Variants in TCF20 observed in about 807,000 individuals in gnomAD.
TCF20 encodes the protein SPRE-binding protein.
TCF20 carries 3 observed loss-of-function variants against 148.6 expected under a neutral mutation model. That is an observed-to-expected ratio of 0.02 (90% CI 0.01 to 0.05). The LOEUF is 0.05. TCF20 is among the 10% of genes least tolerant of loss of function. The pLI, the probability that TCF20 is intolerant of heterozygous loss-of-function variation, is 1.00. For missense variants in TCF20, 2,350 were observed against 2,429.3 expected, an observed-to-expected ratio of 0.97 and a Z score of 0.69; for synonymous variants, 1,049 against 909.5, an observed-to-expected ratio of 1.15 and a Z score of -2.76.
Position 42,168,639 on chromosome 22 carries a change from G to A in TCF20, c.*14C>T. On this transcript the variant is annotated 3_prime_UTR_variant, in exon 5 of 6. Coordinates refer to ENST00000677622, the MANE Select transcript of TCF20 (RefSeq NM_001378418.1). ...CTTGCTGTCCTTTCCATTCCCACGA[G>A]CACACTGCCCCCCTCACCCCCGCTC... The A allele has an allele frequency of 6.3e-7, 1 of 1,595,032 alleles. No individual in the cohort carries two copies. Among genetic ancestry groups the A allele is most frequent in the Non-Finnish European group, 8.5e-7 (1 of 1,170,618 alleles).
intron 1 of TCF20, among the ~76,000 whole-genome samples, chr22:42,323,941 GTGA>G (rs1201884139): frequency 1.3e-4 from 16 of 124,432 alleles, no homozygotes; most frequent in African/African-American, 4.3e-4. Context: ...GGTGGTGGTG[GTGA>G]TGGAGGTTAT....
intron 2 of TCF20, among the ~76,000 whole-genome samples, chr22:42,196,919 T>C (rs1937622934): frequency 6.6e-6 from 1 of 152,230 alleles, no homozygotes; most frequent in South Asian, 2.1e-4. Context: ...TATCTGCCTG[T>C]GTAGCAGTTC....
At position 42,212,797 on chromosome 22, in the gene TCF20, T is replaced by C. The variant is rs1224158650; in HGVS notation, c.2509A>G (p.Thr837Ala). ...TAPEMKQINL[T>A]DYPIPRKFEI... ...AACTTTCTGGGAATTGGATAGTCAGTCAAATTGATCTGTTTCATTTCAGGA... is the reference window on the plus strand; with the variant it reads ...AACTTTCTGGGAATTGGATAGTCAGCCAAATTGATCTGTTTCATTTCAGGA... Residue 837 changes from threonine (T) to alanine (A), a missense_variant, in exon 2 of 6, where the codon ACT becomes GCT. By Grantham distance (58) the Thr-to-Ala change is moderately conservative. Coordinates refer to ENST00000677622, the MANE Select transcript of TCF20 (RefSeq NM_001378418.1). The C allele has an allele frequency of 1.2e-6, 2 of 1,614,214 alleles. No homozygotes were observed. The highest frequency in any genetic ancestry group is 1.7e-6 in the Non-Finnish European group (2 of 1,180,034).
At chr22:42,174,915 G>A (rs1386664463) in intron 3 of TCF20, among the ~76,000 whole-genome samples, 1 of 151,896 alleles carries the variant, frequency 6.6e-6, no homozygotes, top group Non-Finnish European at 1.5e-5. Context: ...GGCGCCTGTA[G>A]TCCCAGCTGC....
rs555998274 is a variant in TCF20, at chr22:42,309,745, T to C, written c.-37+33734A>G. Among the ~76,000 whole-genome samples the C allele has an allele frequency of 5.9e-5, 9 of 152,346 alleles. No individual in the cohort carries two copies. In the South Asian group the frequency reaches 1.7e-3, roughly 28 times the overall value. On this transcript the variant is annotated intron_variant, in intron 1 of 1. Coordinates refer to the TCF20 transcript ENST00000515426. ...CTCAAAGTGCCTCTGGACTGCCCTG[T>C]CTGGCTTTTCATGTCAGCTGCCAGT...
At chr22:42,264,261 TGGGGCG>T (rs1555950629) in intron 1 of TCF20, among the ~76,000 whole-genome samples, 1 of 1,662 alleles carries the variant, frequency 6.0e-4, no homozygotes, top group Non-Finnish European at 9.8e-4. Context: ...AGATCTAAAG[TGGGGCG>T]GGGGCGGGGC....
chr22:42,208,171 G>GAAACAA (rs564683652), intron 2 of TCF20, among the ~76,000 whole-genome samples: 2 of 151,648 alleles, frequency 1.3e-5, no homozygotes, highest in Non-Finnish European at 2.9e-5. Context: ...GCATGAAACT[G>GAAACAA]AAACAAAAAC....
At chr22:42,217,024 C>T (rs1210271103) in intron 1 of TCF20, among the ~76,000 whole-genome samples, 3 of 152,198 alleles carry the variant, frequency 2.0e-5, no homozygotes, top group African/African-American at 7.2e-5. Flanking sequence ...GTTTATGAAG[C>T]TAGTTTCCTA....
intron 2 of TCF20, among the ~76,000 whole-genome samples, chr22:42,197,347 G>C (rs1035680666): frequency 1.7e-4 from 25 of 147,664 alleles, no homozygotes; most frequent in African/African-American, 6.0e-4. Flanking sequence ...TTTTGAGATG[G>C]AGTCTCGCTG....
At chr22:42,216,079 C>CCTTTTTTT (rs1921752440) in intron 1 of TCF20, among the ~76,000 whole-genome samples, 1 of 50,564 alleles carries the variant, frequency 2.0e-5, no homozygotes, top group Non-Finnish European at 3.5e-5. Flanking sequence ...AAACCAAATC[C>CCTTTTTTT]TTTTTTTTTT....
chr22:42,212,332 G>C lies in TCF20; in HGVS notation c.2974C>G (p.Pro992Ala), dbSNP rs369800379. 1 of 1,614,148 alleles carries C rather than the reference G, an allele frequency of 6.2e-7. No homozygotes were observed. Among genetic ancestry groups the C allele is most frequent in the Admixed American group, 1.7e-5 (1 of 60,026 alleles). The change falls in exon 2 of 6, where the codon CCT (proline) becomes GCT (alanine). Residue 992 changes from proline (P) to alanine (A), a missense_variant. By Grantham distance (27) the Pro-to-Ala change is conservative (BLOSUM62 -1). Coordinates refer to ENST00000677622, the MANE Select transcript of TCF20 (RefSeq NM_001378418.1). ...CCCTCCCGACCACCAACTCTGCCAG[G>C]GACCCGCCGCATTGGCGTGGGTCTG... The part of the protein sequence containing the change: ...DSRPTPMRRV[P>A]GRVGGREGMR...
intron 2 of TCF20, among the ~76,000 whole-genome samples, chr22:42,192,961 A>G (rs1014356655): frequency 3.9e-5 from 6 of 152,228 alleles, no homozygotes; most frequent in African/African-American, 1.4e-4. Context: ...TTGAGTTAAA[A>G]AACACAGACT....
rs372334942 is a variant in TCF20, at chr22:42,174,811, A to G, written c.5749+4798T>C. 1.9e-3 allele frequency among the ~76,000 whole-genome samples: 293 copies of G among 152,108 alleles called. 1 individual carries two copies. The highest frequency in any genetic ancestry group is 0.01 in the Middle Eastern group (3 of 294). The stretch of plus-strand genomic sequence containing the variant: ...AGCACTTTGGGGGGCCAAGGTGGGC[A>G]GATCACAAGGTCAGGAGATCGAGAC... On this transcript the variant is annotated intron_variant, in intron 3 of 5. Transcript: ENST00000677622.
intron 1 of TCF20, among the ~76,000 whole-genome samples, chr22:42,294,606 G>C (rs1388258173): frequency 6.6e-6 from 1 of 152,162 alleles, no homozygotes; most frequent in African/African-American, 2.4e-5. Context: ...CAAGGATTTA[G>C]GACTCACATT....
At chr22:42,221,217 C>T (rs758988806) in intron 1 of TCF20, among the ~76,000 whole-genome samples, 8 of 152,124 alleles carry the variant, frequency 5.3e-5, no homozygotes, top group Admixed American at 3.3e-4. Context: ...GGATTCATAG[C>T]GGCTTCCCCA....
At chr22:42,168,182 A>G (rs1935903936) in intron 5 of TCF20, among the ~76,000 whole-genome samples, 1 of 152,214 alleles carries the variant, frequency 6.6e-6, no homozygotes, top group African/African-American at 2.4e-5. Flanking sequence ...TTGTTTTCAA[A>G]GGAAAACACA....
chr22:42,255,521 CAACAACAAA>C (rs774749863), intron 1 of TCF20, among the ~76,000 whole-genome samples: 89 of 147,208 alleles, frequency 6.0e-4, no homozygotes, highest in African/African-American at 1.7e-3. Context: ...ACAACAACAA[CAACAACAAA>C]ACCACATTAT....
intron 2 of TCF20, among the ~76,000 whole-genome samples, chr22:42,180,574 T>A (rs779189992): frequency 2.6e-5 from 4 of 152,188 alleles, no homozygotes; most frequent in African/African-American, 4.8e-5. Context: ...CAAGACTAGC[T>A]GGAAGAGACA....
At chr22:42,332,437 C>G (rs753169668) in intron 1 of TCF20, among the ~76,000 whole-genome samples, 1 of 152,120 alleles carries the variant, frequency 6.6e-6, no homozygotes, top group East Asian at 1.9e-4. Flanking sequence ...TAAGCAAGGG[C>G]AGCACTCTGG....
Sources: allele counts gnomAD v4.1 joint callset (sites outside exome capture counted in the v4.1 genomes callset), GRCh38; gene constraint gnomAD v4.1.1; transcripts MANE v1.5; gene names NCBI Gene and HGNC (gene_info 2026-07-23, HGNC 2026-07-21).